The following ODAD2 variants were observed in gnomAD, a reference collection of about 807,000 sequenced individuals.
ODAD2 encodes the protein outer dynein arm docking complex subunit 2, also known as outer dynein arm-docking complex subunit 2.
In ODAD2, 89 loss-of-function variants were observed where a neutral mutation model predicts 106.8. That is an observed-to-expected ratio of 0.83 (90% CI 0.70 to 0.99). The LOEUF (loss-of-function observed/expected upper bound fraction) is 0.99. Among genes scored for constraint, ODAD2 ranks in the 50% least tolerant of loss-of-function variants. ODAD2 has a pLI of 0.00. For missense variants in ODAD2, 1,168 were observed against 1,238.5 expected (o/e 0.94, Z 0.85); for synonymous variants, 404 against 436.2 (o/e 0.93, Z 0.92).
Position 27,944,281 on chromosome 10 carries a change from C to A in ODAD2, c.1684G>T (p.Val562Phe). ...CGCCGTGCTCTTTTAAACTTGGCAA[C>A]ATTCGCGATAGTCTCGGCTGCCAAA... ...KCLAAETIAN[V>F]AKFKRARRVV... The change falls in exon 12 of 20, where the codon GTT becomes TTT. Residue 562 changes from valine (V) to phenylalanine (F), a missense_variant. Coordinates refer to ENST00000305242, the MANE Select transcript of ODAD2 (RefSeq NM_018076.5). 1 of 1,614,006 alleles carries A rather than the reference C, an allele frequency of 6.2e-7. No homozygotes were observed. Among genetic ancestry groups the A allele is most frequent in the Non-Finnish European group, 8.5e-7 (1 of 1,180,000 alleles).
chr10:27,829,190 T>TAGAATATAG (rs1837290727), intron 19 of ODAD2, among the ~76,000 whole-genome samples: 1 of 152,190 alleles, frequency 6.6e-6, no homozygotes. Flanking sequence ...AAAAGCAGAT[T>TAGAATATAG]AATATAGAAA....
At chr10:27,881,976 G>A (rs796702144) in intron 17 of ODAD2, among the ~76,000 whole-genome samples, 68 of 151,836 alleles carry the variant, frequency 4.5e-4, no homozygotes, top group African/African-American at 1.5e-3. Flanking sequence ...GACCAGACTC[G>A]ACAACATGGT....
rs758783044 is a variant in ODAD2 at position 27,812,634 on chromosome 10, C to T, written c.3022-9G>A. Reference sequence around the variant, plus strand: ...ACCATATCCAGTAGAAGCTGTCACACATAAGGAGGAGAAGAAGGGACACAA... The same window carrying T: ...ACCATATCCAGTAGAAGCTGTCACATATAAGGAGGAGAAGAAGGGACACAA... On this transcript the variant is annotated splice_polypyrimidine_tract_variant and intron_variant, in intron 19 of 19. Transcript: ENST00000305242. The T allele has an allele frequency of 7.5e-5, 118 of 1,570,544 alleles. 3 individuals carry two copies. The South Asian group carries it at 1.4e-3, about 18-fold the overall frequency.
At chr10:27,826,269 A>G (rs1156353057) in intron 19 of ODAD2, among the ~76,000 whole-genome samples, 2 of 152,146 alleles carry the variant, frequency 1.3e-5, no homozygotes, top group Non-Finnish European at 2.9e-5. Context: ...CTTCTCCTAT[A>G]GTGATATTAC....
In ODAD2 at chr10:27,833,226, C is replaced by T. The variant is rs920553899; in HGVS notation, c.3022-20601G>A. Among the ~76,000 whole-genome samples the T allele has an allele frequency of 3.3e-5, 5 of 152,314 alleles. No individual in the cohort carries two copies. In the East Asian group the frequency reaches 7.7e-4, roughly 23 times the overall value. On this transcript the variant is annotated intron_variant, in intron 19 of 19. Coordinates refer to ENST00000305242, the MANE Select transcript of ODAD2 (RefSeq NM_018076.5). Reference sequence around the variant, plus strand: ...AAATTTACAGTCTGATTTATTGCTGCCAGTTATGACTGCCAAATGCTTCTG... The same window carrying T: ...AAATTTACAGTCTGATTTATTGCTGTCAGTTATGACTGCCAAATGCTTCTG...
At chr10:27,984,403 T>C in intron 4 of ODAD2, 113 bp from the exon 5 acceptor site, 2 of 731,618 alleles carry the variant, frequency 2.7e-6, no homozygotes, top group Non-Finnish European at 4.5e-6. Flanking sequence ...AAAATTGCAG[T>C]TAATTTTAGC....
chr10:27,840,026 G>C (rs188303030), intron 19 of ODAD2, among the ~76,000 whole-genome samples: 12 of 151,876 alleles, frequency 7.9e-5, no homozygotes, highest in Admixed American at 7.2e-4. Context: ...AATTTACATC[G>C]ATTTAACTCA....
rs970864357 is a variant in ODAD2, at chr10:27,856,872, C to A, written c.3021+3753G>T. ...ATCCCAGCTACTCAGGAGGCTGAGGCAGGAGAATCGCTCGAACCCAGGAGG... is the reference window on the plus strand; with the variant it reads ...ATCCCAGCTACTCAGGAGGCTGAGGAAGGAGAATCGCTCGAACCCAGGAGG... On this transcript the variant is annotated intron_variant, in intron 19 of 19. Coordinates refer to ENST00000305242, the MANE Select transcript of ODAD2 (RefSeq NM_018076.5). 1.6e-4 allele frequency among the ~76,000 whole-genome samples: 25 copies of A among 152,116 alleles called. 1 individual carries two copies. The highest frequency in any genetic ancestry group is 2.9e-5 in the Non-Finnish European group (2 of 68,016).
intron 19 of ODAD2, among the ~76,000 whole-genome samples, chr10:27,825,162 C>A (rs1197454549): frequency 6.6e-6 from 1 of 152,124 alleles, no homozygotes; most frequent in Non-Finnish European, 1.5e-5. Flanking sequence ...AAGCCATGAA[C>A]AAAATTTGTT....
At chr10:27,910,518 G>A (rs1843927454) in intron 16 of ODAD2, among the ~76,000 whole-genome samples, 2 of 152,126 alleles carry the variant, frequency 1.3e-5, no homozygotes, top group African/African-American at 2.4e-5. Context: ...CACTTTGGGA[G>A]GCCAAGGTGG....
At chr10:27,874,371 G>T (rs545806949) in intron 17 of ODAD2, among the ~76,000 whole-genome samples, 2 of 152,116 alleles carry the variant, frequency 1.3e-5, no homozygotes, top group South Asian at 2.1e-4. Flanking sequence ...GGTTAATATT[G>T]TTATGTGTGA....
At chr10:27,856,627 G>A (rs141066040) in intron 19 of ODAD2, among the ~76,000 whole-genome samples, 131 of 152,268 alleles carry the variant, frequency 8.6e-4, no homozygotes, top group African/African-American at 3.0e-3. Context: ...TGCACAGTCT[G>A]GCAAGGAAAC....
chr10:27,896,586 T>C (rs1589954330), intron 17 of ODAD2, among the ~76,000 whole-genome samples: 1 of 152,184 alleles, frequency 6.6e-6, no homozygotes, highest in East Asian at 1.9e-4. Context: ...CTTCCTGGAC[T>C]TGCCCTCAGG....
At chr10:27,854,074 A>T (rs1839482591) in intron 19 of ODAD2, among the ~76,000 whole-genome samples, 1 of 152,224 alleles carries the variant, frequency 6.6e-6, no homozygotes, top group African/African-American at 2.4e-5. Flanking sequence ...GTGGTCAAAA[A>T]TGTGAACACT....
chr10:27,885,775 A>ATTTT (rs1172907329), intron 17 of ODAD2, among the ~76,000 whole-genome samples: 2 of 60,474 alleles, frequency 3.3e-5, no homozygotes, highest in African/African-American at 1.3e-4. Flanking sequence ...TATATTATAT[A>ATTTT]AAATATATAT....
At chr10:27,939,484 G>A (rs1164961483) in intron 14 of ODAD2, among the ~76,000 whole-genome samples, 1 of 152,172 alleles carries the variant, frequency 6.6e-6, no homozygotes, top group Non-Finnish European at 1.5e-5. Flanking sequence ...GGGAGGCTGA[G>A]GAGGGAGAAT....
At chr10:27,827,210 T>G (rs544986635) in intron 19 of ODAD2, among the ~76,000 whole-genome samples, 1 of 152,136 alleles carries the variant, frequency 6.6e-6, no homozygotes, top group East Asian at 1.9e-4. Flanking sequence ...TCTTAACCCA[T>G]TATGATATGA....
intron 19 of ODAD2, among the ~76,000 whole-genome samples, chr10:27,852,868 G>A (rs1395751070): frequency 6.6e-6 from 1 of 151,420 alleles, no homozygotes; most frequent in African/African-American, 2.4e-5. Context: ...GGCTGAGGCA[G>A]GAGAATCGCT....
chr10:27,975,653 T>A (rs151276176), intron 7 of ODAD2, among the ~76,000 whole-genome samples: 2,074 of 152,234 alleles, frequency 0.014, 53 homozygotes, highest in African/African-American at 0.047. Flanking sequence ...ATTTTTCCCA[T>A]AAAGAATATT....
Sources: allele counts gnomAD v4.1 joint callset (sites outside exome capture counted in the v4.1 genomes callset), GRCh38; gene constraint gnomAD v4.1.1; transcripts MANE v1.5; gene names NCBI Gene and HGNC (gene_info 2026-07-23, HGNC 2026-07-21).